The following SLC4A4 variants were observed in gnomAD, a reference collection of about 807,000 sequenced individuals.
The protein encoded by SLC4A4 is electrogenic sodium bicarbonate cotransporter 1.
A neutral mutation model predicts 111.5 loss-of-function variants in SLC4A4; 27 were observed. The ratio of observed to expected loss-of-function variants is 0.24; its 90% confidence interval spans 0.18 to 0.33. SLC4A4 has a LOEUF of 0.33. Ranked by LOEUF, SLC4A4 falls within the 10% of genes least tolerant of loss-of-function variation. The probability of loss-of-function intolerance (pLI) is 1.00; values close to 1 mark genes in which losing one functional copy is unlikely to be tolerated. For missense variants in SLC4A4, 909 were observed against 1,315.5 expected (o/e 0.69, Z 4.78); for synonymous variants, 443 against 463.4 (o/e 0.96, Z 0.57).
At position 71,216,106 on chromosome 4, in the gene SLC4A4, A is replaced by C. The variant is rs982141956; in HGVS notation, c.-1-20470A>C. ...GTATTTTTAGTAGAGACGGGGTTTCACCATGTTGGCCATGCTGGTCTCGAA... is the reference window on the plus strand; with the variant it reads ...GTATTTTTAGTAGAGACGGGGTTTCCCCATGTTGGCCATGCTGGTCTCGAA... On this transcript the variant is annotated intron_variant, in intron 1 of 25. Coordinates refer to ENST00000264485, the MANE Select transcript of SLC4A4 (RefSeq NM_001098484.3). Among the ~76,000 whole-genome samples, 15 of 151,864 alleles carry C rather than the reference A, an allele frequency of 9.9e-5. No individual in the cohort carries two copies. In the East Asian group the frequency reaches 2.9e-3, roughly 30 times the overall value.
chr4:71,470,174 A>T (rs1295737398), intron 13 of SLC4A4, among the ~76,000 whole-genome samples: 1 of 152,006 alleles, frequency 6.6e-6, no homozygotes, highest in Non-Finnish European at 1.5e-5. Flanking sequence ...AATTATATCA[A>T]ATTTCTAGAA....
intron 16 of SLC4A4, among the ~76,000 whole-genome samples, chr4:71,529,046 C>A (rs137953616): frequency 1.3e-5 from 2 of 151,820 alleles, no homozygotes; most frequent in African/African-American, 4.8e-5. Context: ...CAGGCATGTG[C>A]GATAGTTAAT....
At chr4:71,489,071 C>T (rs190361146) in intron 15 of SLC4A4, among the ~76,000 whole-genome samples, 15 of 151,792 alleles carry the variant, frequency 9.9e-5, no homozygotes, top group African/African-American at 3.4e-4. Context: ...TTATTACCAT[C>T]AATCATAATG....
At chr4:71,538,899 C>G (rs1340888578) in intron 18 of SLC4A4, among the ~76,000 whole-genome samples, 1 of 152,058 alleles carries the variant, frequency 6.6e-6, no homozygotes, top group Non-Finnish European at 1.5e-5. Context: ...CCTTTAAGGT[C>G]ATTCCCTGAG....
rs200452013 is a variant in SLC4A4, at chr4:71,353,513, G to A, written c.550+3441G>A. 3.0e-3 allele frequency among the ~76,000 whole-genome samples: 457 copies of A among 152,256 alleles called. 3 individuals carry two copies. Among genetic ancestry groups the A allele is most frequent in the African/African-American group, 0.011 (439 of 41,552 alleles). On this transcript the variant is annotated intron_variant, in intron 5 of 25. Coordinates refer to ENST00000264485, the MANE Select transcript of SLC4A4 (RefSeq NM_001098484.3). ...TCTGAACTAATCAAAACCCTACAGA[G>A]GATAAAACATGAACGAAACAGAGCC...
intron 18 of SLC4A4, among the ~76,000 whole-genome samples, chr4:71,535,303 G>T (rs1271623536): frequency 1.3e-5 from 2 of 152,116 alleles, no homozygotes; most frequent in African/African-American, 4.8e-5. Flanking sequence ...GAAATATAAA[G>T]AATTGGCTGA....
chr4:71,519,713 T>A (rs532982332), intron 16 of SLC4A4, among the ~76,000 whole-genome samples: 1 of 152,312 alleles, frequency 6.6e-6, no homozygotes, highest in African/African-American at 2.4e-5. Flanking sequence ...TGGGTCACTG[T>A]AACCTCCGCC....
chr4:71,335,662 A>G (rs1728374894), intron 3 of SLC4A4, among the ~76,000 whole-genome samples: 2 of 152,032 alleles, frequency 1.3e-5, no homozygotes, highest in Non-Finnish European at 2.9e-5. Context: ...CGTCTCTACT[A>G]AAAATACAAA....
chr4:71,499,947 G>C (rs1578051210), intron 16 of SLC4A4, among the ~76,000 whole-genome samples: 1 of 152,178 alleles, frequency 6.6e-6, no homozygotes, highest in South Asian at 2.1e-4. Context: ...ATACACAGAA[G>C]TAGGGTTGCT....
At chr4:71,455,533 G>T (rs1346696551) in intron 12 of SLC4A4, among the ~76,000 whole-genome samples, 3 of 152,060 alleles carry the variant, frequency 2.0e-5, no homozygotes, top group Non-Finnish European at 4.4e-5. Flanking sequence ...AACACCCTAC[G>T]GCCAGCTTGA....
chr4:71,112,308 A>C (rs1743110931), intron 2 of SLC4A4, among the ~76,000 whole-genome samples: 1 of 152,210 alleles, frequency 6.6e-6, no homozygotes, highest in South Asian at 2.1e-4. Context: ...GCGTCATAGG[A>C]GTTTTAACTT....
Position 71,267,916 on chromosome 4 carries a change from T to G in SLC4A4, c.253+12517T>G, listed in dbSNP as rs116468154. 7.1e-3 allele frequency among the ~76,000 whole-genome samples: 1,073 copies of G among 151,996 alleles called. 13 individuals are homozygous for G. The highest frequency in any genetic ancestry group is 0.024 in the African/African-American group (1,013 of 41,458). Reference sequence around the variant, plus strand: ...TAAGGCATACAGTAAGTTGAAGTACTGATTTTTAACCTGAGTTTAAATGGA... The same window carrying G: ...TAAGGCATACAGTAAGTTGAAGTACGGATTTTTAACCTGAGTTTAAATGGA... On this transcript the variant is annotated intron_variant, in intron 3 of 25. Coordinates refer to ENST00000264485, the MANE Select transcript of SLC4A4 (RefSeq NM_001098484.3).
intron 16 of SLC4A4, among the ~76,000 whole-genome samples, chr4:71,516,783 CT>C (rs1159971022): frequency 6.6e-6 from 1 of 152,174 alleles, no homozygotes; most frequent in Non-Finnish European, 1.5e-5. Context: ...TTCTTGGACT[CT>C]TGTGGTCTCT....
chr4:71,523,164 G>C (rs1238134417), intron 16 of SLC4A4, among the ~76,000 whole-genome samples: 1 of 152,046 alleles, frequency 6.6e-6, no homozygotes, highest in Non-Finnish European at 1.5e-5. Flanking sequence ...AAGAAATAAT[G>C]GGCATGTATT....
chr4:71,130,188 CT>C (rs1743664217), intron 2 of SLC4A4, among the ~76,000 whole-genome samples: 2 of 152,118 alleles, frequency 1.3e-5, no homozygotes, highest in African/African-American at 4.8e-5. Context: ...GCTTCAAAGA[CT>C]CCTCTGACCT....
At chr4:71,305,231 A>G (rs961467298) in intron 3 of SLC4A4, among the ~76,000 whole-genome samples, 1 of 152,224 alleles carries the variant, frequency 6.6e-6, no homozygotes, top group African/African-American at 2.4e-5. Context: ...TAGCACAATT[A>G]TTACTAGTGT....
chr4:71,081,564 G>C (rs570357945), intron 1 of SLC4A4, among the ~76,000 whole-genome samples: 5 of 152,034 alleles, frequency 3.3e-5, no homozygotes, highest in Admixed American at 6.6e-5. Context: ...CTTGCTCTAC[G>C]TTACAGTGAT....
At chr4:71,089,473 C>G (rs1011004461) in intron 1 of SLC4A4, among the ~76,000 whole-genome samples, 1 of 152,062 alleles carries the variant, frequency 6.6e-6, no homozygotes, top group Non-Finnish European at 1.5e-5. Flanking sequence ...GAGAGGCGCT[C>G]TGATTTTTAG....
At position 71,103,503 on chromosome 4, in the gene SLC4A4, T is replaced by C. The variant is rs1011968377; in HGVS notation, c.-2+10711T>C. Among the ~76,000 whole-genome samples the C allele has an allele frequency of 5.5e-3, 837 of 152,178 alleles. 11 individuals are homozygous for C. Among genetic ancestry groups the C allele is most frequent in the African/African-American group, 0.019 (803 of 41,494 alleles). On this transcript the variant is annotated intron_variant, in intron 2 of 26. Coordinates refer to the SLC4A4 transcript ENST00000649996. ...GCACCACACCACACCTATTCCAAAA[T>C]TGACCACATACTTGGAAGTAAAGCT... is the stretch of plus-strand genomic sequence containing the variant.
Sources: allele counts gnomAD v4.1 joint callset (sites outside exome capture counted in the v4.1 genomes callset), GRCh38; gene constraint gnomAD v4.1.1; transcripts MANE v1.5; gene names NCBI Gene and HGNC (gene_info 2026-07-23, HGNC 2026-07-21).